Variants in ATIC observed in about 807,000 individuals in gnomAD.
The protein encoded by ATIC is 5-aminoimidazole-4-carboxamide ribonucleotide formyltransferase/IMP cyclohydrolase, also known as bifunctional purine biosynthesis protein ATIC.
A neutral mutation model predicts 72.5 loss-of-function variants in ATIC; 64 were observed. The ratio of observed to expected loss-of-function variants is 0.88; its 90% confidence interval spans 0.72 to 1.09. The LOEUF is 1.09. ATIC is among the 50% of genes least tolerant of loss of function. The pLI is 0.00. For synonymous variants in ATIC, 281 were observed against 267.1 expected, an observed-to-expected ratio of 1.05 and a Z score of -0.51; for missense variants, 787 against 732.4, an observed-to-expected ratio of 1.07 and a Z score of -0.86.
chr2:215,356,858 C>T, the ATIC span, among the ~76,000 whole-genome samples: 2 of 152,084 alleles, frequency 1.3e-5, no homozygotes, highest in Admixed American at 6.5e-5. Flanking sequence ...GGGTTGTTTC[C>T]GTGTTTGGCT....
At chr2:215,325,095 T>A in intron 4 of ATIC, 146 bp from the exon 5 acceptor site, 1 of 664,132 alleles carries the variant, frequency 1.5e-6, no homozygotes, top group African/African-American at 1.8e-5. Flanking sequence ...CTCGTTAGAA[T>A]TCTAAAATGT....
At chr2:215,358,347 T>C in the ATIC span, among the ~76,000 whole-genome samples, 5 of 152,190 alleles carry the variant, frequency 3.3e-5, no homozygotes, top group African/African-American at 9.7e-5. Flanking sequence ...TGCCTAAATA[T>C]AGATTTTTCT....
At chr2:215,322,163 A>G (rs1253999455) in intron 4 of ATIC, among the ~76,000 whole-genome samples, 3 of 152,010 alleles carry the variant, frequency 2.0e-5, no homozygotes, top group African/African-American at 4.8e-5. Flanking sequence ...TTGGCCTCCC[A>G]AAGTGCTGGG....
At chr2:215,342,201 A>C (rs975095118) in intron 12 of ATIC, among the ~76,000 whole-genome samples, 1 of 152,238 alleles carries the variant, frequency 6.6e-6, no homozygotes, top group Non-Finnish European at 1.5e-5. Flanking sequence ...CTAGACATCT[A>C]TGAAGCTGGC....
intron 10 of ATIC, 82 bp downstream of exon 10, chr2:215,335,086 T>C: frequency 2.5e-6 from 2 of 789,358 alleles, no homozygotes; most frequent in Admixed American, 5.8e-5. Context: ...CCATAACCTA[T>C]AATATTTATA....
At position 215,315,932 on chromosome 2, in the gene ATIC, A is replaced by G. The variant is rs111625642; in HGVS notation, c.147-2225A>G. ...ATTCCACCACTACACTCCAGCCTGG[A>G]TGACAGAGAGAAACACTGTCTCAAA... is the stretch of plus-strand genomic sequence containing the variant. On this transcript the variant is annotated intron_variant, in intron 2 of 15. Transcript: ENST00000236959. Among the ~76,000 whole-genome samples, 897 of 151,308 alleles carry G rather than the reference A, an allele frequency of 5.9e-3. 8 individuals carry two copies. The highest frequency in any genetic ancestry group is 0.021 in the African/African-American group (858 of 41,238).
intron 4 of ATIC, among the ~76,000 whole-genome samples, chr2:215,323,345 G>A (rs1559269174): frequency 1.3e-5 from 2 of 152,068 alleles, no homozygotes; most frequent in Non-Finnish European, 1.5e-5. Context: ...GCAAAACAAC[G>A]CAGTTGGAAT....
chr2:215,332,370 T>C lies in ATIC; in HGVS notation c.689-12T>C. Reference sequence around the variant, plus strand: ...CCTGCTTAGTAATGTGCATGTATATTTTTACATTTAGTTCTAAATGGAGCC... The same window carrying C: ...CCTGCTTAGTAATGTGCATGTATATCTTTACATTTAGTTCTAAATGGAGCC... On this transcript the variant is annotated splice_polypyrimidine_tract_variant and intron_variant, in intron 7 of 15. Transcript: ENST00000236959. 1 of 1,614,046 alleles carries C rather than the reference T, an allele frequency of 6.2e-7. No homozygotes were observed. Among genetic ancestry groups the C allele is most frequent in the Non-Finnish European group, 8.5e-7 (1 of 1,179,988 alleles).
rs1319402540 is a variant in ATIC at position 215,332,859 on chromosome 2, C to A, written c.814+352C>A. Among the ~76,000 whole-genome samples, 3 of 152,132 alleles carry A rather than the reference C, an allele frequency of 2.0e-5. No homozygotes were observed. In the East Asian group the frequency reaches 5.8e-4, roughly 29 times the overall value. On this transcript the variant is annotated intron_variant, in intron 8 of 15. Transcript: ENST00000236959. ...TCTTCTTTGGACTCTTTATCTGAAA[C>A]TTCTTATAGTCGTTGTATGAGATAC... is the stretch of plus-strand genomic sequence containing the variant.
At chr2:215,347,278 C>T (rs774827476) in intron 14 of ATIC, 18 of 389,620 alleles carry the variant, frequency 4.6e-5, no homozygotes, top group East Asian at 1.7e-4. Flanking sequence ...CCTGCCACCA[C>T]GTCATGCATG....
intron 7 of ATIC, among the ~76,000 whole-genome samples, chr2:215,329,520 A>G (rs2052866738): frequency 6.6e-6 from 1 of 152,198 alleles, no homozygotes; most frequent in Non-Finnish European, 1.5e-5. Context: ...TTTGGCAGTG[A>G]TGTTATTACA....
chr2:215,323,953 G>T (rs994164581), intron 4 of ATIC, among the ~76,000 whole-genome samples: 27 of 152,244 alleles, frequency 1.8e-4, no homozygotes, highest in African/African-American at 5.8e-4. Context: ...GTAGAGATGG[G>T]GTTTCTCCAT....
chr2:215,331,460 A>G (rs2372538), intron 7 of ATIC, among the ~76,000 whole-genome samples: 71,794 of 147,090 alleles, frequency 0.49, 18,609 homozygotes, highest in East Asian at 0.78. Context: ...TCGGCTCACT[A>G]CAACCTCCAC....
chr2:215,361,595 G>A, the ATIC span: 1 of 1,612,596 alleles, frequency 6.2e-7, no homozygotes, highest in Non-Finnish European at 8.5e-7. Flanking sequence ...TACATCTAAA[G>A]GCATGAAGCA....
chr2:215,336,257 A>T (rs1417529602), intron 11 of ATIC, 133 bp downstream of exon 11: 1 of 722,122 alleles, frequency 1.4e-6, no homozygotes, highest in African/African-American at 1.8e-5. Context: ...CCAATCCTGC[A>T]TTTAAAAAAA....
intron 7 of ATIC, among the ~76,000 whole-genome samples, chr2:215,330,842 C>T (rs1404592231): frequency 2.0e-5 from 3 of 152,076 alleles, no homozygotes; most frequent in African/African-American, 4.8e-5. Flanking sequence ...CCATGCCCAG[C>T]TGTTTTTACT....
chr2:215,335,872 T>C (rs1182898693), intron 10 of ATIC, 163 bp from the exon 11 acceptor site: 1 of 611,592 alleles, frequency 1.6e-6, no homozygotes, highest in Non-Finnish European at 2.9e-6. Context: ...AAAGCTGTAT[T>C]CTAATAGATT....
the ATIC span, chr2:215,361,494 C>T: frequency 8.4e-7 from 1 of 1,192,312 alleles, no homozygotes; most frequent in Non-Finnish European, 1.3e-6. Context: ...GCTAACATCA[C>T]TCCAGTTTAG....
intron 11 of ATIC, 108 bp downstream of exon 11, chr2:215,336,232 T>TA: frequency 1.1e-6 from 1 of 881,580 alleles, no homozygotes; most frequent in Non-Finnish European, 1.9e-6. Flanking sequence ...TTATCCTTAT[T>TA]ATAGTTTATT....
Sources: allele counts gnomAD v4.1 joint callset (sites outside exome capture counted in the v4.1 genomes callset), GRCh38; gene constraint gnomAD v4.1.1; transcripts MANE v1.5; gene names NCBI Gene and HGNC (gene_info 2026-07-23, HGNC 2026-07-21).